The following INPP5E variants were observed in gnomAD, a reference collection of about 807,000 sequenced individuals.
INPP5E encodes phosphatidylinositol polyphosphate 5-phosphatase type IV.
INPP5E carries 34 observed loss-of-function variants against 50.5 expected under a neutral mutation model. The observed-to-expected ratio is 0.67, with a 90% CI of 0.51 to 0.90. INPP5E has a LOEUF of 0.90. Among genes scored for constraint, INPP5E ranks in the 40% least tolerant of loss-of-function variants. The pLI is 0.00. For synonymous variants in INPP5E, 447 were observed against 406.0 expected (o/e 1.10, Z -1.21); for missense variants, 942 against 905.5 (o/e 1.04, Z -0.52).
chr9:136,430,121 T>C lies in INPP5E; in HGVS notation c.1802+156A>G, dbSNP rs68142670. 0.2 allele frequency among the ~76,000 whole-genome samples: 30,739 copies of C among 152,090 alleles called. 3,708 individuals carry two copies. The highest frequency in any genetic ancestry group is 0.28 in the Non-Finnish European group (18,921 of 67,942). On this transcript the variant is annotated intron_variant, in intron 9 of 9. Coordinates refer to ENST00000371712, the MANE Select transcript of INPP5E (RefSeq NM_019892.6). ...CTCTCCCCTTCCTGCCTTCTCCTGCTCCAGGATGAGTCCAACCGATCCCGG... is the reference window on the plus strand; with the variant it reads ...CTCTCCCCTTCCTGCCTTCTCCTGCCCCAGGATGAGTCCAACCGATCCCGG...
Position 136,433,249 on chromosome 9 carries a change from C to G in INPP5E, c.1065G>C (p.Thr355=), listed in dbSNP as rs374089192. 59 of 1,590,104 alleles carry G rather than the reference C, an allele frequency of 3.7e-5. No individual in the cohort carries two copies. The highest frequency in any genetic ancestry group is 2.8e-5 in the Non-Finnish European group (33 of 1,175,954). ...ACAGCAGCACATAGTGCGGGCCCAG[C>G]GTCTCCTGCAGACGAGTCTCCCACT... The part of the protein sequence containing the change: ...RREWETRLQE[T]LGPHYVLLSS... Residue 355 remains threonine (T), a synonymous_variant, in exon 4 of 10, where the codon ACG becomes ACC. Transcript: ENST00000371712.
At position 136,428,972 on chromosome 9, in the gene INPP5E, T is replaced by C. The variant is rs1128874; in HGVS notation, c.*703A>G. ...GGTCTACGTCACCAAGACCATGAGA[T>C]GGTTTCACACAATAGGCTTGGCCTA... On this transcript the variant is annotated 3_prime_UTR_variant, in exon 10 of 10. Coordinates refer to ENST00000371712, the MANE Select transcript of INPP5E (RefSeq NM_019892.6). 0.42 allele frequency: 63,938 copies of C among 152,310 alleles called. 13,715 individuals carry two copies. The highest frequency in any genetic ancestry group is 0.53 in the Admixed American group (8,113 of 15,406). The allele number at this position is 152,310 out of a possible 1,614,324, so 9.4% of individuals were successfully genotyped here.
At position 136,429,412 on chromosome 9, in the gene INPP5E, G is replaced by A. The variant is rs995440928; in HGVS notation, c.*263C>T. On this transcript the variant is annotated 3_prime_UTR_variant, in exon 10 of 10. Coordinates refer to ENST00000371712, the MANE Select transcript of INPP5E (RefSeq NM_019892.6). Reference sequence around the variant, plus strand: ...AGTGGCTGGGGTCCGTGGTGCTGCTGGGCGGGTCCAAACCCTGCCACCCAT... The same window carrying A: ...AGTGGCTGGGGTCCGTGGTGCTGCTAGGCGGGTCCAAACCCTGCCACCCAT... 1.4e-5 allele frequency: 8 copies of A among 565,504 alleles called. No individual in the cohort carries two copies. The highest frequency in any genetic ancestry group is 2.6e-5 in the Non-Finnish European group (8 of 313,270). The allele number at this position is 565,504 out of a possible 1,614,324, so 35.0% of individuals were successfully genotyped here.
At chr9:136,430,683 G>A (rs1564431459) in intron 8 of INPP5E, among the ~76,000 whole-genome samples, 1 of 152,224 alleles carries the variant, frequency 6.6e-6, no homozygotes, top group African/African-American at 2.4e-5. Flanking sequence ...CCAGATATCG[G>A]GACATGCCCA....
chr9:136,429,774 TTCTC>T lies in INPP5E; in HGVS notation c.1832_1835del (p.Arg611AsnfsTer5). The T allele has an allele frequency of 6.2e-7, 1 of 1,613,386 alleles. No individual in the cohort carries two copies. Among genetic ancestry groups the T allele is most frequent in the Non-Finnish European group, 8.5e-7 (1 of 1,179,922 alleles). ...GTCTTTTAATTCCTAGTAAGTACAG[TTCTC>T]TATCAAATTTGCCAGCTGCCAACGG... On this transcript the variant is annotated frameshift_variant, in exon 10 of 10. Coordinates refer to ENST00000371712, the MANE Select transcript of INPP5E (RefSeq NM_019892.6). LOFTEE classifies it low-confidence loss of function (END_TRUNC).
At position 136,428,853 on chromosome 9, in the gene INPP5E, G is replaced by C. The variant is rs955503431; in HGVS notation, c.*822C>G. 5 of 152,534 alleles carry C rather than the reference G, an allele frequency of 3.3e-5. No homozygotes were observed. Among genetic ancestry groups the C allele is most frequent in the Non-Finnish European group, 5.9e-5 (4 of 68,112 alleles). The allele number at this position is 152,534 out of a possible 1,614,324, so 9.4% of individuals were successfully genotyped here. A position where few individuals can be genotyped will look rare whatever the true frequency, so the allele number is the denominator to read the frequency against. On this transcript the variant is annotated 3_prime_UTR_variant, in exon 10 of 10. Coordinates refer to ENST00000371712, the MANE Select transcript of INPP5E (RefSeq NM_019892.6). ...GTGGTGGCATCCTGAACTTCCAGCA[G>C]TTCCCTAGCCCGGTTCCACTAATGT...
intron 1 of INPP5E, chr9:136,435,550 T>G (rs539865594): frequency 6.5e-6 from 1 of 153,070 alleles, no homozygotes; most frequent in East Asian, 1.9e-4. Flanking sequence ...AGAAACAGGG[T>G]CTCGCCACGT....
At chr9:136,433,441 G>C (rs1460010736) in intron 3 of INPP5E, among the ~76,000 whole-genome samples, 162 bp from the exon 4 acceptor site, 1 of 152,226 alleles carries the variant, frequency 6.6e-6, no homozygotes, top group Non-Finnish European at 1.5e-5. Flanking sequence ...TGGTGGGCCA[G>C]AGTTGGGACC....
Position 136,429,512 on chromosome 9 carries a change from A to T in INPP5E, c.*163T>A. 1 of 891,692 alleles carries T rather than the reference A, an allele frequency of 1.1e-6. No homozygotes were observed. Among genetic ancestry groups the T allele is most frequent in the Non-Finnish European group, 1.8e-6 (1 of 541,074 alleles). The allele number at this position is 891,692 out of a possible 1,614,324, so 55.2% of individuals were successfully genotyped here. The stretch of plus-strand genomic sequence containing the variant: ...ACCGTGTGGACCTGCCACAGAGGAC[A>T]GGCTCGCTCAGGGTTGGCTTCCTTC... On this transcript the variant is annotated 3_prime_UTR_variant, in exon 10 of 10. Transcript: ENST00000371712.
At position 136,438,797 on chromosome 9, in the gene INPP5E, G is replaced by T. The variant is rs143107549; in HGVS notation, c.623C>A (p.Thr208Lys). ...SLDIASDSLR[T>K]ANKVDSDLAD... is the part of the protein sequence containing the mutation. ...AAGATCCGAGTCGACCTTGTTTGCTGTCCTCAGGGAGTCGGAGGCGATGTC... is the reference window on the plus strand; with the variant it reads ...AAGATCCGAGTCGACCTTGTTTGCTTTCCTCAGGGAGTCGGAGGCGATGTC... The change falls in exon 1 of 10, where the codon ACA becomes AAA. Residue 208 changes from threonine to lysine, a missense_variant. Coordinates refer to ENST00000371712, the MANE Select transcript of INPP5E (RefSeq NM_019892.6). 1 of 1,612,202 alleles carries T rather than the reference G, an allele frequency of 6.2e-7. No homozygotes were observed.
At position 136,439,274 on chromosome 9, in the gene INPP5E, G is replaced by C; in HGVS notation, c.146C>G (p.Ala49Gly). ...PPDAPGSESP[A>G]LACSTPATPS... is the part of the protein sequence containing the mutation. ...CGTGGCCGGAGTGCTGCAGGCAAGCGCGGGGCTCTCGGAGCCCGGAGCATC... is the reference window on the plus strand; with the variant it reads ...CGTGGCCGGAGTGCTGCAGGCAAGCCCGGGGCTCTCGGAGCCCGGAGCATC... Residue 49 changes from alanine (A) to glycine (G), a missense_variant, in exon 1 of 10, where the codon GCG (alanine) becomes GGG (glycine). Coordinates refer to ENST00000371712, the MANE Select transcript of INPP5E (RefSeq NM_019892.6). The C allele has an allele frequency of 6.8e-7, 1 of 1,464,244 alleles. No individual in the cohort carries two copies. Among genetic ancestry groups the C allele is most frequent in the African/African-American group, 1.5e-5 (1 of 68,426 alleles). 90.7% of individuals were successfully genotyped at this position (1,464,244 alleles called of 1,614,324 possible). A position where few individuals can be genotyped will look rare whatever the true frequency, so the allele number is the denominator to read the frequency against.
intron 1 of INPP5E, chr9:136,437,025 G>C (rs1835846213): frequency 6.6e-6 from 1 of 152,228 alleles, no homozygotes; most frequent in South Asian, 2.1e-4. Context: ...TGATGCTTTA[G>C]ATGCACTAAG....
chr9:136,434,872 G>A lies in INPP5E; in HGVS notation c.813-9C>T, dbSNP rs771055995. 4.4e-6 allele frequency: 7 copies of A among 1,602,948 alleles called. No individual in the cohort carries two copies. In the Admixed American group the frequency reaches 8.5e-5, roughly 20 times the overall value. On this transcript the variant is annotated splice_polypyrimidine_tract_variant and intron_variant, in intron 1 of 9. Transcript: ENST00000371712. ...TGCCCTCCAGGTAACTCCTGTGACG[G>A]GAGGACCCCAAGCTCAGGGCCAGGC... is the stretch of plus-strand genomic sequence containing the variant.
In INPP5E at chr9:136,432,554, C is replaced by A; in HGVS notation, c.1312G>T (p.Asp438Tyr). ...GDGKVAERLL[D>Y]YTRTVQALVL... is the part of the protein sequence containing the mutation. ...AGGGCTTGTACAGTCCTGGTGTAGT[C>A]CAGCAGCCGCTCCGCCACCTTCCCG... Residue 438 changes from aspartate to tyrosine, a missense_variant, in exon 6 of 10, where the codon GAC becomes TAC. By Grantham distance (160) the Asp-to-Tyr change is radical (BLOSUM62 -3). Transcript: ENST00000371712. 6.4e-7 allele frequency: 1 copy of A among 1,550,390 alleles called. No homozygotes were observed. The highest frequency in any genetic ancestry group is 8.7e-7 in the Non-Finnish European group (1 of 1,146,856).
chr9:136,430,905 G>A (rs1180786242), intron 8 of INPP5E, 97 bp downstream of exon 8: 13 of 884,718 alleles, frequency 1.5e-5, no homozygotes, highest in Admixed American at 7.6e-5. Context: ...AGTCCAGGCC[G>A]TCCAGGCTCA....
At position 136,429,547 on chromosome 9, in the gene INPP5E, T is replaced by TGGCACAGAGGCACGGTCGCC; in HGVS notation, c.*108_*127dup. 7.8e-7 allele frequency: 1 copy of TGGCACAGAGGCACGGTCGCC among 1,279,756 alleles called. No homozygotes were observed. The highest frequency in any genetic ancestry group is 1.2e-5 in the South Asian group (1 of 84,218). The allele number at this position is 1,279,756 out of a possible 1,614,324, so 79.3% of individuals were successfully genotyped here. A position where few individuals can be genotyped will look rare whatever the true frequency, so the allele number is the denominator to read the frequency against. On this transcript the variant is annotated 3_prime_UTR_variant, in exon 10 of 10. Transcript: ENST00000371712. ...AGGGTTGGCTTCCTTCCTGGGACGC[T>TGGCACAGAGGCACGGTCGCC]GGCACAGAGGCACGGTCGCCACAGT...
rs1477067987 is a variant in INPP5E at position 136,429,761 on chromosome 9, C to T, written c.1849G>A (p.Gly617Arg). The T allele has an allele frequency of 6.2e-7, 1 of 1,613,698 alleles. No homozygotes were observed. The change falls in exon 10 of 10, where the codon GGA becomes AGA. Residue 617 changes from glycine to arginine, a missense_variant. Coordinates refer to ENST00000371712, the MANE Select transcript of INPP5E (RefSeq NM_019892.6). ...GKFDRELYLL[G>R]IKRRISKEIQ... is the part of the protein sequence containing the mutation. ...TCCTTCGAAATCCGTCTTTTAATTCCTAGTAAGTACAGTTCTCTATCAAAT... is the reference window on the plus strand; with the variant it reads ...TCCTTCGAAATCCGTCTTTTAATTCTTAGTAAGTACAGTTCTCTATCAAAT...
At position 136,429,794 on chromosome 9, in the gene INPP5E, C is replaced by G. The variant is rs776136400; in HGVS notation, c.1816G>C (p.Ala606Pro). The G allele has an allele frequency of 6.2e-7, 1 of 1,612,800 alleles. No individual in the cohort carries two copies. Among genetic ancestry groups the G allele is most frequent in the East Asian group, 2.2e-5 (1 of 44,866 alleles). ...RPGRDNIPLAAGKFDRELYLL... is the reference protein window; with the variant it reads ...RPGRDNIPLAPGKFDRELYLL... ...TACAGTTCTCTATCAAATTTGCCAG[C>G]TGCCAACGGAATGCTGTGGAGGAGG... Residue 606 changes from alanine (A) to proline (P), a missense_variant, in exon 10 of 10, where the codon GCT becomes CCT. By Grantham distance (27) the Ala-to-Pro change is conservative. Transcript: ENST00000371712.
In INPP5E at chr9:136,438,499, C is replaced by G. The variant is rs766872347; in HGVS notation, c.812+109G>C. ...TGCGGGAGACCCGCTTCGTTCTTTC[C>G]GGTTAGGCATCTTAAACGCTGCTGA... is the stretch of plus-strand genomic sequence containing the variant. On this transcript the variant is annotated intron_variant, in intron 1 of 9. Coordinates refer to ENST00000371712, the MANE Select transcript of INPP5E (RefSeq NM_019892.6). 5.0e-6 allele frequency: 5 copies of G among 992,044 alleles called. No homozygotes were observed. In the South Asian group the frequency reaches 5.5e-5, roughly 11 times the overall value. The allele number at this position is 992,044 out of a possible 1,614,324, so 61.5% of individuals were successfully genotyped here. A position where few individuals can be genotyped will look rare whatever the true frequency, so the allele number is the denominator to read the frequency against.
Sources: gnomAD v4.1 joint callset for allele counts (sites outside exome capture counted in the v4.1 genomes callset) on GRCh38, gnomAD v4.1.1 for gene constraint, MANE v1.5 for transcripts, NCBI Gene and HGNC (gene_info 2026-07-23, HGNC 2026-07-21) for gene names.